Variants in NFE2 observed in about 807,000 individuals in gnomAD.
The protein encoded by NFE2 is transcription factor NF-E2 45 kDa subunit.
NFE2 carries 13 observed loss-of-function variants against 25.8 expected under a neutral mutation model. The ratio of observed to expected loss-of-function variants is 0.50; its 90% CI spans 0.33 to 0.80. The LOEUF is 0.80. NFE2 is among the 30% of genes least tolerant of loss of function. NFE2 has a pLI of 0.02. For missense variants in NFE2, 382 were observed against 478.9 expected (o/e 0.80, Z 1.89); for synonymous variants, 204 against 200.2 (o/e 1.02, Z -0.16).
At position 54,292,245 on chromosome 12, in the gene NFE2, A is replaced by C. The variant is rs1311557780; in HGVS notation, c.*129T>G. On this transcript the variant is annotated 3_prime_UTR_variant, in exon 3 of 3. Transcript: ENST00000435572. ...TGAACACACCTTGGAACTTCCAAAC[A>C]CTTGTTGCCATTGTCATCCTCTTCT... 20 of 965,462 alleles carry C rather than the reference A, an allele frequency of 2.1e-5. No individual in the cohort carries two copies. Among genetic ancestry groups the C allele is most frequent in the Non-Finnish European group, 2.7e-5 (18 of 659,526 alleles). 59.8% of individuals were successfully genotyped at this position (965,462 alleles called of 1,614,324 possible). A position where few individuals can be genotyped will look rare whatever the true frequency, so the allele number is the denominator to read the frequency against.
At position 54,295,463 on chromosome 12, in the gene NFE2, A is replaced by C. The variant is rs1234306880; in HGVS notation, c.-56-159T>G. The C allele has an allele frequency of 9.7e-6, 5 of 513,854 alleles. No individual in the cohort carries two copies. The Admixed American group carries it at 1.6e-4, about 17-fold the overall frequency. The allele number at this position is 513,854 out of a possible 1,614,324, so 31.8% of individuals were successfully genotyped here. A position where few individuals can be genotyped will look rare whatever the true frequency, so the allele number is the denominator to read the frequency against. Reference sequence around the variant, plus strand: ...TGGATTCATCAATCCCTTAAGATGGAAAGTCTTTTCCTGTGTTGTGATCTC... The same window carrying C: ...TGGATTCATCAATCCCTTAAGATGGCAAGTCTTTTCCTGTGTTGTGATCTC... On this transcript the variant is annotated intron_variant, in intron 1 of 2. Transcript: ENST00000435572.
At chr12:54,300,278 T>G (rs972782732) in intron 1 of NFE2, 1 of 152,296 alleles carries the variant, frequency 6.6e-6, no homozygotes, top group Non-Finnish European at 1.5e-5. Flanking sequence ...CTACTGCCCC[T>G]GGGCACAGAG....
chr12:54,297,471 C>T (rs1944383513), intron 1 of NFE2, among the ~76,000 whole-genome samples: 1 of 150,506 alleles, frequency 6.6e-6, no homozygotes, highest in African/African-American at 2.4e-5. Context: ...CGAAACCAGC[C>T]TGGCCAACAT....
rs902415881 is a variant in NFE2, at chr12:54,292,171, G to A, written c.*203C>T. 3.4e-6 allele frequency: 2 copies of A among 592,292 alleles called. No individual in the cohort carries two copies. The highest frequency in any genetic ancestry group is 5.9e-6 in the Non-Finnish European group (2 of 337,930). The allele number at this position is 592,292 out of a possible 1,614,324, so 36.7% of individuals were successfully genotyped here. On this transcript the variant is annotated 3_prime_UTR_variant, in exon 3 of 3. Coordinates refer to ENST00000435572, the MANE Select transcript of NFE2 (RefSeq NM_001136023.3). ...AAGGTGGAGGCTAAAGACCTGAGGAGCCGAGTCAGGGAAGACAGATTCCAG... is the reference window on the plus strand; with the variant it reads ...AAGGTGGAGGCTAAAGACCTGAGGAACCGAGTCAGGGAAGACAGATTCCAG...
chr12:54,293,198 C>G lies in NFE2; in HGVS notation c.298G>C (p.Gly100Arg), dbSNP rs1309318660. The stretch of plus-strand genomic sequence containing the variant: ...TTGGAGACTGGTATGGCCATGTTGC[C>G]ATAGGAGTATGGGGGATCTGGGACA... ...SHVPDPPYSY[G>R]NMAIPVSKPL... The change falls in exon 3 of 3, where the codon GGC becomes CGC. Residue 100 changes from glycine (G) to arginine (R), a missense_variant. Gly to Arg is a moderately radical substitution (Grantham distance 125, BLOSUM62 -2). Coordinates refer to ENST00000435572, the MANE Select transcript of NFE2 (RefSeq NM_001136023.3). 1.9e-6 allele frequency: 3 copies of G among 1,590,030 alleles called. No individual in the cohort carries two copies. The highest frequency in any genetic ancestry group is 2.6e-6 in the Non-Finnish European group (3 of 1,167,172).
intron 2 of NFE2, among the ~76,000 whole-genome samples, chr12:54,294,664 C>G (rs1292646544): frequency 6.6e-6 from 1 of 152,172 alleles, no homozygotes; most frequent in Non-Finnish European, 1.5e-5. Flanking sequence ...AGCCAACAGA[C>G]ACCCCTTTGT....
At chr12:54,297,422 G>A (rs2137059759) in intron 1 of NFE2, among the ~76,000 whole-genome samples, 1 of 149,722 alleles carries the variant, frequency 6.7e-6, no homozygotes, top group African/African-American at 2.5e-5. Flanking sequence ...CTAGGACTTT[G>A]GGAGGCTGAG....
chr12:54,294,850 G>A (rs34094446), intron 2 of NFE2, among the ~76,000 whole-genome samples: 5,117 of 152,210 alleles, frequency 0.034, 135 homozygotes, highest in Non-Finnish European at 0.055. Context: ...GGTGAGCACG[G>A]GAGGGAGAGC....
intron 2 of NFE2, 22 bp from the exon 3 acceptor site, chr12:54,293,403 G>C (rs766572827): frequency 4.8e-6 from 7 of 1,451,568 alleles, no homozygotes; most frequent in Non-Finnish European, 6.4e-6. Context: ...GACACAAAGA[G>C]ATTTGGAGAC....
At chr12:54,299,294 G>A (rs1198981570) in intron 1 of NFE2, among the ~76,000 whole-genome samples, 2 of 152,228 alleles carry the variant, frequency 1.3e-5, no homozygotes, top group Non-Finnish European at 2.9e-5. Context: ...CTGGCAGGCA[G>A]TGGGATAGAT....
At chr12:54,294,977 G>A (rs1944357097) in intron 2 of NFE2, among the ~76,000 whole-genome samples, 158 bp downstream of exon 2, 1 of 152,134 alleles carries the variant, frequency 6.6e-6, no homozygotes, top group Non-Finnish European at 1.5e-5. Flanking sequence ...ACGTTCCTCA[G>A]TGTCTTCCAT....
intron 2 of NFE2, among the ~76,000 whole-genome samples, chr12:54,294,278 C>A (rs569102719): frequency 6.6e-6 from 1 of 151,876 alleles, no homozygotes; most frequent in African/African-American, 2.4e-5. Context: ...TCCTTTATTT[C>A]CTTCAGGAAG....
chr12:54,298,841 A>G (rs1335362330), intron 1 of NFE2, among the ~76,000 whole-genome samples: 1 of 152,086 alleles, frequency 6.6e-6, no homozygotes, highest in African/African-American at 2.4e-5. Flanking sequence ...ACCTGAGGTC[A>G]GGAATTTGAG....
intron 2 of NFE2, among the ~76,000 whole-genome samples, chr12:54,294,034 A>G (rs940070555): frequency 2.6e-5 from 4 of 152,002 alleles, no homozygotes; most frequent in Non-Finnish European, 5.9e-5. Context: ...TTGGGAGGCC[A>G]AGGCGGGCGG....
intron 2 of NFE2, among the ~76,000 whole-genome samples, 200 bp downstream of exon 2, chr12:54,294,934 TC>T (rs1328537935): frequency 6.6e-6 from 1 of 152,022 alleles, no homozygotes; most frequent in Non-Finnish European, 1.5e-5. Flanking sequence ...GATCATTCCC[TC>T]CCCACCACTG....
chr12:54,295,241 G>C lies in NFE2; in HGVS notation c.8C>G (p.Pro3Arg). The C allele has an allele frequency of 6.2e-7, 1 of 1,613,898 alleles. No homozygotes were observed. Among genetic ancestry groups the C allele is most frequent in the Non-Finnish European group, 8.5e-7 (1 of 1,179,826 alleles). Residue 3 changes from proline (P) to arginine (R), a missense_variant, in exon 2 of 3, where the codon CCG becomes CGG. Pro to Arg is a moderately radical substitution (Grantham distance 103, BLOSUM62 -2). Coordinates refer to ENST00000435572, the MANE Select transcript of NFE2 (RefSeq NM_001136023.3). The stretch of plus-strand genomic sequence containing the variant: ...GTTCCTGCTCTGCTGGGGAGGACAC[G>C]GGGACATCCTACTGGGCCAGAGTCT... MS[P>R]CPPQQSRNRV...
chr12:54,295,439 G>T, intron 1 of NFE2, 135 bp from the exon 2 acceptor site: 1 of 561,082 alleles, frequency 1.8e-6, no homozygotes, highest in Non-Finnish European at 3.2e-6. Context: ...CACTCATGCT[G>T]GATTCATCAA....
In NFE2 at chr12:54,292,990, C is replaced by T. The variant is rs201284757; in HGVS notation, c.506G>A (p.Arg169His). The change falls in exon 3 of 3, where the codon CGC (arginine) becomes CAC (histidine). Residue 169 changes from arginine (R) to histidine (H), a missense_variant. Transcript: ENST00000435572. Reference protein sequence around the residue: ...ELEGTEAGRRRSEYVEMYPVE... With the variant: ...ELEGTEAGRRHSEYVEMYPVE... ...TGGGTACATCTCTACATATTCGCTGCGCCGCCGACCAGCCTCTGTCCCCTC... is the reference window on the plus strand; with the variant it reads ...TGGGTACATCTCTACATATTCGCTGTGCCGCCGACCAGCCTCTGTCCCCTC... 26 of 1,542,358 alleles carry T rather than the reference C, an allele frequency of 1.7e-5. No homozygotes were observed. Among genetic ancestry groups the T allele is most frequent in the African/African-American group, 2.7e-5 (2 of 72,872 alleles).
At position 54,292,570 on chromosome 12, in the gene NFE2, A is replaced by G; in HGVS notation, c.926T>C (p.Leu309Pro). Reference sequence around the variant, plus strand: ...CCGGTCTGCCTCCCCGCGGGCCCTGAGAAGCCGCTCCCGTTCATTGGTCAG... The same window carrying G: ...CCGGTCTGCCTCCCCGCGGGCCCTGGGAAGCCGCTCCCGTTCATTGGTCAG... ...ERLTNERERL[L>P]RARGEADRTL... The change falls in exon 3 of 3, where the codon CTC becomes CCC. Residue 309 changes from leucine (L) to proline (P), a missense_variant. By Grantham distance (98) the Leu-to-Pro change is moderately conservative. Transcript: ENST00000435572. 1.2e-6 allele frequency: 2 copies of G among 1,614,012 alleles called. No homozygotes were observed. The highest frequency in any genetic ancestry group is 2.2e-5 in the East Asian group (1 of 44,874).
Sources: gnomAD v4.1 joint callset for allele counts (sites outside exome capture counted in the v4.1 genomes callset) on GRCh38, gnomAD v4.1.1 for gene constraint, MANE v1.5 for transcripts, NCBI Gene and HGNC (gene_info 2026-07-23, HGNC 2026-07-21) for gene names.